COA1: variants seen among roughly 807,000 people sequenced by gnomAD.
COA1 encodes cytochrome c oxidase assembly factor 1 homolog.
In COA1, 13 loss-of-function variants were observed where a neutral mutation model predicts 16.0. That is an observed-to-expected ratio of 0.81 (90% CI 0.53 to 1.29). The LOEUF (loss-of-function observed/expected upper bound fraction) is 1.29. Ranked by LOEUF, COA1 falls within the 50% of genes most tolerant of loss-of-function variation. The pLI, the probability that COA1 is intolerant of heterozygous loss-of-function variation, is 0.00. For missense variants in COA1, 179 were observed against 177.0 expected (o/e 1.01, Z -0.06); for synonymous variants, 65 against 65.7 (o/e 0.99, Z 0.05).
At chr7:43,635,005 C>T (rs2085622882), downstream of COA1, among the ~76,000 whole-genome samples, 1 of 152,192 alleles carries the variant, frequency 6.6e-6, no homozygotes, top group Admixed American at 6.5e-5. Context: ...GAAGTCCAGG[C>T]TGCACTTAGT....
chr7:43,691,077 A>C (rs1468520918), intron 1 of COA1, among the ~76,000 whole-genome samples: 6 of 147,956 alleles, frequency 4.1e-5, no homozygotes, highest in East Asian at 2.0e-4. Context: ...AAAAAAAAAA[A>C]CAAAAAGAAA....
In COA1 at chr7:43,688,365, T is replaced by C. The variant is rs545607292; in HGVS notation, c.-38-39713A>G. On this transcript the variant is annotated intron_variant, in intron 1 of 5. Coordinates refer to ENST00000223336, the MANE Select transcript of COA1 (RefSeq NM_018224.4). ...TATTTTTATGATAAAAAAACTTTCA[T>C]TGAAGAGATTTTTTCCATATTATTA... is the stretch of plus-strand genomic sequence containing the variant. Among the ~76,000 whole-genome samples the C allele has an allele frequency of 9.9e-5, 15 of 152,276 alleles. No individual in the cohort carries two copies. The East Asian group carries it at 1.7e-3, about 18-fold the overall frequency.
At chr7:43,702,652 G>C (rs1443314742) in intron 1 of COA1, among the ~76,000 whole-genome samples, 1 of 152,094 alleles carries the variant, frequency 6.6e-6, no homozygotes, top group Non-Finnish European at 1.5e-5. Flanking sequence ...TCTCTACATA[G>C]GGGTGTTCAT....
chr7:43,637,585 A>G (rs150953869), downstream of COA1, among the ~76,000 whole-genome samples: 46 of 152,312 alleles, frequency 3.0e-4, no homozygotes, highest in African/African-American at 1.1e-3. Flanking sequence ...GAAACAGTGG[A>G]CTGCAAGTGT....
chr7:43,652,894 A>G (rs55728135), intron 1 of COA1, among the ~76,000 whole-genome samples: 20,283 of 148,566 alleles, frequency 0.14, 1,947 homozygotes, highest in Non-Finnish European at 0.21. Flanking sequence ...GTGGGGGGAC[A>G]GTGGAAAGAT....
chr7:43,700,744 T>G lies in COA1; in HGVS notation c.-39+28685A>C, dbSNP rs73690130. ...GCAAATGTTGTTTATAGTTTACAAG[T>G]GTAGTGAGTTAAGAAAATGAAGCCA... On this transcript the variant is annotated intron_variant, in intron 1 of 5. Transcript: ENST00000223336. Among the ~76,000 whole-genome samples the G allele has an allele frequency of 4.2e-3, 642 of 152,054 alleles. 6 individuals carry two copies. The highest frequency in any genetic ancestry group is 0.015 in the African/African-American group (610 of 41,470).
At chr7:43,649,064 A>G (rs779511212) in intron 1 of COA1, 10 of 163,078 alleles carry the variant, frequency 6.1e-5, no homozygotes, top group Non-Finnish European at 1.1e-4. Context: ...AAAAGAAACA[A>G]TAGTACAGTA....
intron 1 of COA1, among the ~76,000 whole-genome samples, chr7:43,687,831 A>G (rs1392764043): frequency 6.6e-6 from 1 of 152,036 alleles, no homozygotes; most frequent in African/African-American, 2.4e-5. Context: ...CTGTACTTCC[A>G]TTAACAGGCA....
At chr7:43,654,864 T>C (rs973866349) in intron 1 of COA1, among the ~76,000 whole-genome samples, 1 of 152,220 alleles carries the variant, frequency 6.6e-6, no homozygotes, top group Non-Finnish European at 1.5e-5. Flanking sequence ...GATGACATAT[T>C]GGAGTAGCCT....
At chr7:43,666,616 C>T (rs1031754343) in intron 1 of COA1, among the ~76,000 whole-genome samples, 3 of 152,136 alleles carry the variant, frequency 2.0e-5, no homozygotes, top group African/African-American at 7.2e-5. Flanking sequence ...TGGTAAAATG[C>T]AAGTGTCGTC....
intron 1 of COA1, among the ~76,000 whole-genome samples, chr7:43,721,151 T>C (rs1186034132): frequency 1.3e-5 from 2 of 152,256 alleles, no homozygotes; most frequent in Non-Finnish European, 2.9e-5. Flanking sequence ...AGTTAATTCA[T>C]AATTCTGCAA....
At chr7:43,673,031 G>A (rs1195577169) in intron 1 of COA1, among the ~76,000 whole-genome samples, 1 of 152,126 alleles carries the variant, frequency 6.6e-6, no homozygotes, top group Non-Finnish European at 1.5e-5. Context: ...ATGGACTAAA[G>A]ACTTAGATGT....
At chr7:43,646,704 A>G in intron 3 of COA1, 1 of 441,492 alleles carries the variant, frequency 2.3e-6, no homozygotes, top group East Asian at 7.0e-5. Flanking sequence ...TTCAGTCTGA[A>G]TCATTCCTGG....
At chr7:43,644,786 G>GCAGACAGA (rs2088605336) in intron 4 of COA1, among the ~76,000 whole-genome samples, 1 of 44,436 alleles carries the variant, frequency 2.3e-5, no homozygotes, top group Non-Finnish European at 5.5e-5. Context: ...AGGCAGGCAG[G>GCAGACAGA]CAGGCAGAGA....
At chr7:43,693,441 C>G (rs570612459) in intron 1 of COA1, among the ~76,000 whole-genome samples, 1 of 152,246 alleles carries the variant, frequency 6.6e-6, no homozygotes, top group South Asian at 2.1e-4. Flanking sequence ...ATCCAGTACT[C>G]CACTTGACCT....
At chr7:43,631,820 A>AT (rs1294824190) in intron 6 of COA1, 3 of 152,182 alleles carry the variant, frequency 2.0e-5, no homozygotes, top group Non-Finnish European at 4.4e-5. Context: ...AGTCACATGA[A>AT]TTTTTTGCCT....
At chr7:43,657,411 G>A (rs2091883775) in intron 1 of COA1, 1 of 152,194 alleles carries the variant, frequency 6.6e-6, no homozygotes, top group Non-Finnish European at 1.5e-5. Flanking sequence ...GTAAAAATCT[G>A]AAATTTAAGT....
chr7:43,682,388 C>T (rs1049426833), intron 1 of COA1, among the ~76,000 whole-genome samples: 3 of 151,988 alleles, frequency 2.0e-5, no homozygotes, highest in Non-Finnish European at 4.4e-5. Context: ...ACATGGCTAG[C>T]CTAAAGTAAA....
chr7:43,624,373 C>T, intron 6 of COA1: 2 of 781,190 alleles, frequency 2.6e-6, no homozygotes, highest in East Asian at 2.8e-5. Context: ...AATTCCAAGA[C>T]TAATAGTTTT....
Sources: allele counts gnomAD v4.1 joint callset (sites outside exome capture counted in the v4.1 genomes callset), GRCh38; gene constraint gnomAD v4.1.1; transcripts MANE v1.5; gene names NCBI Gene and HGNC (gene_info 2026-07-23, HGNC 2026-07-21).